Variants in LAMA2 observed in about 807,000 individuals in gnomAD.
LAMA2 encodes the protein laminin subunit alpha-2.
Under a neutral mutation model 364.8 loss-of-function variants are expected in LAMA2, and 269 were observed. The ratio of observed to expected loss-of-function variants is 0.74; its 90% CI spans 0.67 to 0.82. The LOEUF is 0.82. Ranked by LOEUF, LAMA2 falls within the 40% of genes least tolerant of loss-of-function variation. LAMA2 has a pLI of 0.00. For missense variants in LAMA2, 3,807 were observed against 3,873.2 expected (o/e 0.98, Z 0.45); for synonymous variants, 1,379 against 1,370.6 (o/e 1.01, Z -0.14).
chr6:129,156,329 T>G (rs1289834237), intron 8 of LAMA2, among the ~76,000 whole-genome samples: 1 of 152,000 alleles, frequency 6.6e-6, no homozygotes, highest in Non-Finnish European at 1.5e-5. Flanking sequence ...AGCATATCTC[T>G]CCATTTATTT....
chr6:129,032,323 G>A (rs984646048), intron 1 of LAMA2, among the ~76,000 whole-genome samples: 3 of 152,168 alleles, frequency 2.0e-5, no homozygotes, highest in Non-Finnish European at 2.9e-5. Flanking sequence ...GAAAAATAAG[G>A]CAGAATTAGG....
chr6:129,172,198 C>T (rs1004787192), intron 9 of LAMA2, among the ~76,000 whole-genome samples: 2 of 152,174 alleles, frequency 1.3e-5, no homozygotes, highest in African/African-American at 4.8e-5. Context: ...CTCCATCCAG[C>T]TTTGTTCCGT....
chr6:129,516,202 A>AGTT lies in LAMA2; in HGVS notation c.9225_9227dup (p.Gln3075_Phe3076insLeu). 3.7e-6 allele frequency: 6 copies of AGTT among 1,614,136 alleles called. No individual in the cohort carries two copies. The highest frequency in any genetic ancestry group is 5.1e-6 in the Non-Finnish European group (6 of 1,180,010). On this transcript the variant is annotated inframe_insertion, in exon 65 of 65. Coordinates refer to ENST00000421865, the MANE Select transcript of LAMA2 (RefSeq NM_000426.4). ...TTGCCTTTTTCAGATGACCTCAAGC[A>AGTT]GTTTGGCCTAACAACCAGTATTCCG...
intron 2 of LAMA2, among the ~76,000 whole-genome samples, chr6:129,057,421 G>C (rs1178083708): frequency 2.0e-5 from 3 of 152,142 alleles, no homozygotes; most frequent in Non-Finnish European, 2.9e-5. Context: ...AAAAACTAAT[G>C]ATGGTTTTTA....
In LAMA2 at chr6:129,460,796, A is replaced by AT. The variant is rs1043353197; in HGVS notation, c.6992+481dup. Among the ~76,000 whole-genome samples, 19 of 151,270 alleles carry AT rather than the reference A, an allele frequency of 1.3e-4. No individual in the cohort carries two copies. In the East Asian group the frequency reaches 2.9e-3, roughly 23 times the overall value. Reference sequence around the variant, plus strand: ...CAGCCTAGGTTTTATCTCTTACAGGATTTTTTTTTAATTGACACATAGGAT... The same window carrying AT: ...CAGCCTAGGTTTTATCTCTTACAGGATTTTTTTTTTAATTGACACATAGGAT... On this transcript the variant is annotated intron_variant, in intron 49 of 64. Coordinates refer to ENST00000421865, the MANE Select transcript of LAMA2 (RefSeq NM_000426.4).
intron 4 of LAMA2, among the ~76,000 whole-genome samples, chr6:129,134,201 C>G (rs997415097): frequency 6.6e-6 from 1 of 152,164 alleles, no homozygotes; most frequent in South Asian, 2.1e-4. Flanking sequence ...TGTTTTCTAT[C>G]GGAACTTTCT....
At chr6:129,312,466 C>A (rs940028782) in intron 22 of LAMA2, among the ~76,000 whole-genome samples, 2 of 151,984 alleles carry the variant, frequency 1.3e-5, no homozygotes, top group Non-Finnish European at 1.5e-5. Context: ...TCTACTAGAC[C>A]GTAAGGTATG....
intron 1 of LAMA2, among the ~76,000 whole-genome samples, chr6:128,989,364 C>T (rs1156680012): frequency 6.6e-6 from 1 of 152,164 alleles, no homozygotes; most frequent in Non-Finnish European, 1.5e-5. Flanking sequence ...GCATGCTCCT[C>T]ACATATGCTA....
At chr6:129,110,733 TC>T (rs1478890835) in intron 4 of LAMA2, among the ~76,000 whole-genome samples, 1 of 151,998 alleles carries the variant, frequency 6.6e-6, no homozygotes. Flanking sequence ...CCAGGTCCAG[TC>T]CAGATCTTCT....
At chr6:129,415,170 C>T (rs1008956487) in intron 40 of LAMA2, among the ~76,000 whole-genome samples, 9 of 152,144 alleles carry the variant, frequency 5.9e-5, no homozygotes, top group African/African-American at 2.2e-4. Context: ...TCAGCTTCTA[C>T]CTCTTTAACT....
At chr6:129,472,007 G>C (rs1783836553) in intron 51 of LAMA2, among the ~76,000 whole-genome samples, 1 of 151,932 alleles carries the variant, frequency 6.6e-6, no homozygotes, top group Admixed American at 6.6e-5. Flanking sequence ...AAGATGATGA[G>C]TTGAGTGAAA....
intron 37 of LAMA2, among the ~76,000 whole-genome samples, chr6:129,397,357 T>C (rs919978252): frequency 9.2e-5 from 14 of 152,298 alleles, no homozygotes; most frequent in Non-Finnish European, 1.8e-4. Context: ...GTTTTTATTG[T>C]ACTCATCTAA....
intron 1 of LAMA2, among the ~76,000 whole-genome samples, chr6:129,017,123 T>G (rs1329370907): frequency 2.0e-5 from 3 of 151,954 alleles, no homozygotes. Flanking sequence ...ACTTAAAGAA[T>G]TAAAATAAAA....
At chr6:129,036,141 A>AT (rs533996309) in intron 1 of LAMA2, among the ~76,000 whole-genome samples, 151 of 152,176 alleles carry the variant, frequency 9.9e-4, no homozygotes, top group African/African-American at 3.3e-3. Flanking sequence ...CCATTTGTCC[A>AT]TGTCATTTAT....
At position 129,050,087 on chromosome 6, in the gene LAMA2, C is replaced by T. The variant is rs559745161; in HGVS notation, c.282C>T (p.Asn94=). Residue 94 remains asparagine (N), a splice_region_variant and synonymous_variant, in exon 2 of 65, where the codon AAC becomes AAT. Transcript: ENST00000421865. ...RICNQNSSNP[N]QRHPITNAID... is the part of the protein sequence containing the mutation. Reference sequence around the variant, plus strand: ...GCAATCAAAACAGCAGCAATCCAAACCGTATGTATTTTAGTGTGTAGGTGT... The same window carrying T: ...GCAATCAAAACAGCAGCAATCCAAATCGTATGTATTTTAGTGTGTAGGTGT... 4 of 1,614,112 alleles carry T rather than the reference C, an allele frequency of 2.5e-6. No homozygotes were observed. The African/African-American group carries it at 5.3e-5, about 22-fold the overall frequency.
chr6:129,367,697 C>A (rs1777852460), intron 33 of LAMA2, among the ~76,000 whole-genome samples: 1 of 152,058 alleles, frequency 6.6e-6, no homozygotes, highest in Non-Finnish European at 1.5e-5. Flanking sequence ...TCCCTATTTT[C>A]CAGAAGAAGA....
intron 9 of LAMA2, among the ~76,000 whole-genome samples, chr6:129,171,794 C>T (rs1307325688): frequency 8.9e-6 from 1 of 112,110 alleles, no homozygotes; most frequent in Non-Finnish European, 1.8e-5. Flanking sequence ...CCATTCTCCC[C>T]ATCACTTTCA....
At chr6:129,462,889 A>G (rs1256467441) in intron 49 of LAMA2, among the ~76,000 whole-genome samples, 1 of 152,028 alleles carries the variant, frequency 6.6e-6, no homozygotes, top group Non-Finnish European at 1.5e-5. Context: ...AGACTAAGAA[A>G]ATGTCATAAA....
At chr6:128,889,276 A>T (rs1776312410) in intron 1 of LAMA2, among the ~76,000 whole-genome samples, 1 of 152,184 alleles carries the variant, frequency 6.6e-6, no homozygotes, top group African/African-American at 2.4e-5. Context: ...TCAATCTCAG[A>T]CGCTAAAGTT....
Sources: allele counts gnomAD v4.1 joint callset (sites outside exome capture counted in the v4.1 genomes callset), GRCh38; gene constraint gnomAD v4.1.1; transcripts MANE v1.5; gene names NCBI Gene and HGNC (gene_info 2026-07-23, HGNC 2026-07-21).